The following CNTN5 variants were observed in gnomAD, a reference collection of about 807,000 sequenced individuals.
CNTN5 encodes the protein contactin 5, also known as contactin-5.
Under a neutral mutation model 129.1 loss-of-function variants are expected in CNTN5, and 77 were observed. The ratio of observed to expected loss-of-function variants is 0.60; its 90% CI spans 0.50 to 0.72. The LOEUF is 0.72. Ranked by LOEUF, CNTN5 falls within the 30% of genes least tolerant of loss-of-function variation. CNTN5 has a pLI of 0.00. For synonymous variants in CNTN5, 509 were observed against 465.6 expected (o/e 1.09, Z -1.20); for missense variants, 1,478 against 1,328.8 (o/e 1.11, Z -1.75).
chr11:100,342,012 AAC>A (rs1461843574), intron 23 of CNTN5, among the ~76,000 whole-genome samples: 5 of 152,038 alleles, frequency 3.3e-5, no homozygotes, highest in African/African-American at 1.2e-4. Flanking sequence ...CAGAGATGGT[AAC>A]ACAGTATTCA....
At chr11:99,329,342 A>C (rs574173024) in intron 2 of CNTN5, among the ~76,000 whole-genome samples, 2 of 152,202 alleles carry the variant, frequency 1.3e-5, no homozygotes, top group Non-Finnish European at 2.9e-5. Context: ...CTCCTATATG[A>C]TACTTGCTCA....
chr11:100,000,274 C>G (rs537864952), intron 8 of CNTN5, among the ~76,000 whole-genome samples: 8 of 152,246 alleles, frequency 5.3e-5, no homozygotes, highest in South Asian at 4.1e-4. Flanking sequence ...TAGTTACTTC[C>G]AAGATACAGG....
intron 18 of CNTN5, among the ~76,000 whole-genome samples, chr11:100,293,126 T>C (rs543258669): frequency 8.0e-4 from 121 of 151,906 alleles, no homozygotes; most frequent in Non-Finnish European, 1.5e-3. Flanking sequence ...CTCCCCTTTT[T>C]AGCAACAAAT....
At chr11:99,555,984 A>C (rs1437059834) in intron 2 of CNTN5, among the ~76,000 whole-genome samples, 161 bp from the exon 3 acceptor site, 5 of 151,942 alleles carry the variant, frequency 3.3e-5, no homozygotes, top group African/African-American at 1.2e-4. Context: ...CATGAATTCT[A>C]ACAGAAACTG....
At chr11:99,068,233 A>G (rs1333944443) in intron 1 of CNTN5, among the ~76,000 whole-genome samples, 5 of 152,216 alleles carry the variant, frequency 3.3e-5, no homozygotes, top group African/African-American at 1.2e-4. Context: ...GGACTAAGCT[A>G]CAAATCTCCT....
intron 21 of CNTN5, among the ~76,000 whole-genome samples, chr11:100,312,099 G>T (rs116729616): frequency 6.6e-6 from 1 of 151,938 alleles, no homozygotes; most frequent in Non-Finnish European, 1.5e-5. Context: ...ATTTCATAGC[G>T]CATTATAAAT....
chr11:99,396,799 T>C (rs1941550055), intron 2 of CNTN5, among the ~76,000 whole-genome samples: 2 of 151,868 alleles, frequency 1.3e-5, no homozygotes, highest in South Asian at 4.1e-4. Context: ...TGATCAGGAA[T>C]GTGATGTCAG....
At chr11:99,021,999 A>G (rs1862890735) in intron 1 of CNTN5, among the ~76,000 whole-genome samples, 1 of 152,214 alleles carries the variant, frequency 6.6e-6, no homozygotes, top group Admixed American at 6.5e-5. Context: ...ACCAGAATCC[A>G]CTAAATATTT....
intron 1 of CNTN5, among the ~76,000 whole-genome samples, chr11:99,069,590 G>A (rs1000078044): frequency 3.3e-5 from 5 of 152,002 alleles, no homozygotes; most frequent in African/African-American, 1.2e-4. Context: ...GCTTCTAGAG[G>A]GCAAGTACTG....
intron 18 of CNTN5, among the ~76,000 whole-genome samples, chr11:100,283,031 G>T (rs1461500872): frequency 6.6e-6 from 1 of 151,894 alleles, no homozygotes; most frequent in Non-Finnish European, 1.5e-5. Flanking sequence ...CTGTCAAAGA[G>T]TCAACTCCTG....
At chr11:99,358,914 G>A (rs1348601026) in intron 2 of CNTN5, among the ~76,000 whole-genome samples, 1 of 151,904 alleles carries the variant, frequency 6.6e-6, no homozygotes, top group African/African-American at 2.4e-5. Flanking sequence ...AAAAAGTAAA[G>A]CAAAATTAAA....
intron 3 of CNTN5, among the ~76,000 whole-genome samples, chr11:99,818,335 A>C (rs1383856053): frequency 6.6e-6 from 1 of 151,836 alleles, no homozygotes; most frequent in Non-Finnish European, 1.5e-5. Flanking sequence ...AGCTCACTAC[A>C]GCCTAAACCT....
intron 2 of CNTN5, among the ~76,000 whole-genome samples, chr11:99,529,224 A>T (rs566146970): frequency 1.3e-5 from 2 of 152,122 alleles, no homozygotes; most frequent in Non-Finnish European, 2.9e-5. Context: ...TCCCCACCTG[A>T]TCCACTCAGG....
intron 1 of CNTN5, among the ~76,000 whole-genome samples, chr11:99,131,213 A>G (rs951254790): frequency 7.9e-6 from 1 of 126,142 alleles, no homozygotes; most frequent in East Asian, 2.8e-4. Context: ...GCACCACTGC[A>G]CTCCAGCCTG....
intron 13 of CNTN5, among the ~76,000 whole-genome samples, chr11:100,173,977 T>C (rs919609584): frequency 1.3e-5 from 2 of 152,108 alleles, no homozygotes; most frequent in African/African-American, 2.4e-5. Flanking sequence ...TCCCACTCTA[T>C]TGTCAATACT....
In CNTN5 at chr11:99,199,906, C is replaced by T. The variant is rs147118649; in HGVS notation, c.-209-125440C>T. Among the ~76,000 whole-genome samples the T allele has an allele frequency of 3.4e-3, 521 of 152,186 alleles. 12 individuals carry two copies. The highest frequency in any genetic ancestry group is 1.4e-3 in the Non-Finnish European group (98 of 68,006). ...GACTGAAATTCAGTTAAAAGTGAAG[C>T]CTAAACTAGCAGGGTTATTAATGCA... On this transcript the variant is annotated intron_variant, in intron 1 of 24. Coordinates refer to ENST00000524871, the MANE Select transcript of CNTN5 (RefSeq NM_014361.4).
intron 3 of CNTN5, among the ~76,000 whole-genome samples, chr11:99,665,589 A>T (rs1315234435): frequency 6.7e-6 from 1 of 149,686 alleles, no homozygotes; most frequent in African/African-American, 2.5e-5. Context: ...GGGTTCAAGC[A>T]ATTCTCCCTG....
At chr11:100,100,729 T>C (rs1225438068) in intron 13 of CNTN5, among the ~76,000 whole-genome samples, 1 of 152,134 alleles carries the variant, frequency 6.6e-6, no homozygotes, top group Non-Finnish European at 1.5e-5. Context: ...ACCTGTGTCA[T>C]AGCTTTTCCA....
chr11:99,476,872 G>A (rs576498096), intron 2 of CNTN5, among the ~76,000 whole-genome samples: 63 of 152,098 alleles, frequency 4.1e-4, no homozygotes, highest in South Asian at 1.0e-3. Context: ...ATTACAATCC[G>A]AACTTTTATT....
Sources: gnomAD v4.1 joint callset for allele counts (sites outside exome capture counted in the v4.1 genomes callset) on GRCh38, gnomAD v4.1.1 for gene constraint, MANE v1.5 for transcripts, NCBI Gene and HGNC (gene_info 2026-07-23, HGNC 2026-07-21) for gene names.